Variants in CYTH1 observed in about 807,000 individuals in gnomAD.
CYTH1 encodes the protein cytohesin-1.
In CYTH1, 18 loss-of-function variants were observed where a neutral mutation model predicts 61.8. The observed-to-expected ratio is 0.29, with a 90% confidence interval of 0.20 to 0.43. The LOEUF (loss-of-function observed/expected upper bound fraction) is 0.43. Among genes scored for constraint, CYTH1 ranks in the 20% least tolerant of loss-of-function variants. The pLI, the probability that CYTH1 is intolerant of heterozygous loss-of-function variation, is 1.00. For synonymous variants in CYTH1, 174 were observed against 184.3 expected, an observed-to-expected ratio of 0.94 and a Z score of 0.45; for missense variants, 336 against 510.5, an observed-to-expected ratio of 0.66 and a Z score of 3.29.
chr17:78,680,143 T>C, intron 13 of CYTH1, 47 bp downstream of exon 13: 1 of 1,605,516 alleles, frequency 6.2e-7, no homozygotes, highest in African/African-American at 1.3e-5. Flanking sequence ...CCTGGTGAGG[T>C]GAGGGCTGCA....
chr17:78,734,678 G>A (rs1192057654), intron 1 of CYTH1, among the ~76,000 whole-genome samples: 1 of 152,088 alleles, frequency 6.6e-6, no homozygotes, highest in Non-Finnish European at 1.5e-5. Flanking sequence ...GACCTCAGGT[G>A]ATCCGCCTGC....
chr17:78,702,122 C>T lies in CYTH1; in HGVS notation c.356G>A (p.Arg119Lys). Residue 119 changes from arginine to lysine, a missense_variant and splice_region_variant, in exon 5 of 14, where the codon AGA (arginine) becomes AAA (lysine). This residue lies in a region of CYTH1 where 125 missense variants were observed against 209.9 expected (regional missense o/e 0.60). Transcript: ENST00000446868. ...KTAIGDYLGE[R>K]DEFNIQVLHA... is the part of the protein sequence containing the mutation. ...ATGCGCATAATCCCCAAGGCCTTACCTCTCCCCTAGGTAGTCGCCGATGGC... is the reference window on the plus strand; with the variant it reads ...ATGCGCATAATCCCCAAGGCCTTACTTCTCCCCTAGGTAGTCGCCGATGGC... The T allele has an allele frequency of 3.1e-6, 5 of 1,612,042 alleles. No homozygotes were observed. Among genetic ancestry groups the T allele is most frequent in the Non-Finnish European group, 4.2e-6 (5 of 1,178,174 alleles).
rs2093188204 is a variant in CYTH1, at chr17:78,717,190, G to A, written c.23-7458C>T. ...GAATGGCCACTGGGGAGGGCAGCAG[G>A]TTGTCCCTGCCGGCAGCCTGAGCAC... On this transcript the variant is annotated intron_variant, in intron 1 of 13. Transcript: ENST00000446868. The surrounding 1 kb of genome is among the most constrained non-coding windows in gnomAD (Gnocchi z 4.4). Among the ~76,000 whole-genome samples, 1 of 152,190 alleles carries A rather than the reference G, an allele frequency of 6.6e-6. No homozygotes were observed. The highest frequency in any genetic ancestry group is 2.4e-5 in the African/African-American group (1 of 41,436).
At chr17:78,767,750 A>G (rs1365472785) in intron 1 of CYTH1, among the ~76,000 whole-genome samples, 2 of 152,156 alleles carry the variant, frequency 1.3e-5, no homozygotes, top group African/African-American at 2.4e-5. Flanking sequence ...TCTAGAGGTA[A>G]CACCAGAATG....
intron 1 of CYTH1, among the ~76,000 whole-genome samples, chr17:78,771,498 C>T (rs766949837): frequency 2.0e-5 from 3 of 151,740 alleles, no homozygotes; most frequent in East Asian, 3.9e-4. Context: ...TTTGGGAGGC[C>T]GAGGCAGGCA....
At chr17:78,727,482 A>G (rs1238987761) in intron 1 of CYTH1, among the ~76,000 whole-genome samples, 1 of 152,224 alleles carries the variant, frequency 6.6e-6, no homozygotes, top group Non-Finnish European at 1.5e-5. Flanking sequence ...GGTCATTTCT[A>G]CCTGCACCTC....
At chr17:78,709,471 C>CA (rs1357460952) in intron 2 of CYTH1, 179 bp downstream of exon 2, 28 of 605,082 alleles carry the variant, frequency 4.6e-5, no homozygotes, top group Non-Finnish European at 7.4e-5. Context: ...TCTGACACTG[C>CA]ATCTCCTCAG....
chr17:78,681,111 C>T (rs896411824), intron 11 of CYTH1, 69 bp from the exon 12 acceptor site: 17 of 1,523,292 alleles, frequency 1.1e-5, no homozygotes, highest in Middle Eastern at 3.4e-4. Flanking sequence ...GATTCCTCGC[C>T]GGTGACTCAG....
At chr17:78,677,270 C>T (rs2092710527) in intron 13 of CYTH1, 1 of 364,592 alleles carries the variant, frequency 2.7e-6, no homozygotes, top group East Asian at 7.4e-5. Flanking sequence ...GGTAGGCCAA[C>T]CCTTTCGGGT....
At chr17:78,713,716 C>G (rs1264038005) in intron 1 of CYTH1, among the ~76,000 whole-genome samples, 2 of 148,296 alleles carry the variant, frequency 1.3e-5, no homozygotes, top group Non-Finnish European at 3.0e-5. Context: ...AGAAGCAAGA[C>G]TAAATCCAAG....
intron 12 of CYTH1, 32 bp from the exon 13 acceptor site, chr17:78,680,376 A>G: frequency 6.3e-7 from 1 of 1,584,200 alleles, no homozygotes; most frequent in Non-Finnish European, 8.6e-7. Flanking sequence ...GAGAGAGTGG[A>G]GCAAAGGAAG....
In CYTH1 at chr17:78,760,368, TATATATATATATATATACAC is replaced by T. The variant is rs1375595194; in HGVS notation, c.22+21814_22+21833del. Among the ~76,000 whole-genome samples the T allele has an allele frequency of 4.5e-4, 28 of 61,824 alleles. 1 individual carries two copies. Among genetic ancestry groups the T allele is most frequent in the Non-Finnish European group, 9.6e-5 (3 of 31,224 alleles). 40.6% of individuals were successfully genotyped at this position (61,824 alleles called of 152,430 possible). On this transcript the variant is annotated intron_variant, in intron 1 of 13. Transcript: ENST00000446868. Reference sequence around the variant, plus strand: ...CAAATAGCAGGTTTATATATATATATATATATATATATATATACACACACATACATATATATATGTGTATA... The same window carrying T: ...CAAATAGCAGGTTTATATATATATATACACATACATATATATATGTGTATA...
chr17:78,750,373 C>T (rs924662608), intron 1 of CYTH1, among the ~76,000 whole-genome samples: 1 of 152,096 alleles, frequency 6.6e-6, no homozygotes, highest in African/African-American at 2.4e-5. Flanking sequence ...CTGCTGTGGC[C>T]ATGCCAACTG....
intron 1 of CYTH1, among the ~76,000 whole-genome samples, chr17:78,762,454 C>T (rs1346774931): frequency 6.6e-6 from 1 of 152,186 alleles, no homozygotes; most frequent in African/African-American, 2.4e-5. Flanking sequence ...AAGGATTAAA[C>T]TGCCCATTCT....
rs1249908749 is a variant in CYTH1 at position 78,700,303 on chromosome 17, A to G, written c.550+28T>C. ...AATAATCCAGTGTAAAACGCCCATC[A>G]TAAACTAGGATGAATGATCGTATTT... On this transcript the variant is annotated intron_variant, in intron 7 of 13. Coordinates refer to ENST00000446868, the MANE Select transcript of CYTH1 (RefSeq NM_004762.6). The surrounding 1 kb of genome is among the most constrained non-coding windows in gnomAD (Gnocchi z 5.1). The G allele has an allele frequency of 3.8e-6, 6 of 1,566,968 alleles. No homozygotes were observed. Among genetic ancestry groups the G allele is most frequent in the Non-Finnish European group, 5.2e-6 (6 of 1,154,152 alleles).
chr17:78,780,278 G>A (rs2093511505), intron 1 of CYTH1, among the ~76,000 whole-genome samples: 1 of 152,158 alleles, frequency 6.6e-6, no homozygotes, highest in Non-Finnish European at 1.5e-5. Context: ...AACACTTTGG[G>A]AGGCCAAGAT....
intron 1 of CYTH1, among the ~76,000 whole-genome samples, chr17:78,738,441 C>T (rs772051147): frequency 6.6e-6 from 1 of 152,140 alleles, no homozygotes; most frequent in Non-Finnish European, 1.5e-5. Context: ...AGCAGCTTTG[C>T]AGGAAGTGCT....
chr17:78,704,338 T>G (rs2093043542), intron 3 of CYTH1, among the ~76,000 whole-genome samples: 1 of 152,206 alleles, frequency 6.6e-6, no homozygotes, highest in Non-Finnish European at 1.5e-5. Context: ...AATTCTGGTA[T>G]GCACCCAAAT....
intron 1 of CYTH1, among the ~76,000 whole-genome samples, chr17:78,744,940 T>C (rs751179932): frequency 6.6e-6 from 1 of 152,088 alleles, no homozygotes; most frequent in Non-Finnish European, 1.5e-5. Flanking sequence ...CCAGTAACTC[T>C]TGCAAGAAAA....
Sources: gnomAD v4.1 joint callset for allele counts (sites outside exome capture counted in the v4.1 genomes callset) on GRCh38, gnomAD v4.1.1 for gene constraint, gnomAD v4.1.1 regional missense constraint, Gnocchi (gnomAD v3.1) non-coding constraint, MANE v1.5 for transcripts, NCBI Gene and HGNC (gene_info 2026-07-23, HGNC 2026-07-21) for gene names.